INTS9: variants seen among roughly 807,000 people sequenced by gnomAD.
The protein encoded by INTS9 is integrator complex subunit 9.
A neutral mutation model predicts 79.7 loss-of-function variants in INTS9; 55 were observed. The observed-to-expected ratio is 0.69, with a 90% CI of 0.56 to 0.86. INTS9 has a LOEUF of 0.86. INTS9 is among the 40% of genes least tolerant of loss of function. The pLI is 0.00. For synonymous variants in INTS9, 319 were observed against 325.2 expected, an observed-to-expected ratio of 0.98 and a Z score of 0.20; for missense variants, 721 against 831.5, an observed-to-expected ratio of 0.87 and a Z score of 1.64.
Position 28,820,399 on chromosome 8 carries a change from G to A in INTS9, c.489-6787C>T, listed in dbSNP as rs577725655. Among the ~76,000 whole-genome samples, 10 of 152,302 alleles carry A rather than the reference G, an allele frequency of 6.6e-5. No individual in the cohort carries two copies. The South Asian group carries it at 8.3e-4, about 13-fold the overall frequency. On this transcript the variant is annotated intron_variant, in intron 6 of 16. Transcript: ENST00000521022. ...CTTGTCTGTACACTTATGAAGCTTA[G>A]TTTGGCTGGATATGAAATTCTGGGT...
chr8:28,844,733 T>C (rs1350115968), intron 4 of INTS9, among the ~76,000 whole-genome samples: 1 of 152,130 alleles, frequency 6.6e-6, no homozygotes, highest in Admixed American at 6.5e-5. Context: ...GGAGAATTGC[T>C]TGAACCCAGG....
In INTS9 at chr8:28,814,071, A is replaced by T. The variant is rs766046575; in HGVS notation, c.489-459T>A. ...ACCGTGCTCAGCCATTTCTTTTTTT[A>T]AAAAAAAAAAAAAAATAGAGACATG... is the stretch of plus-strand genomic sequence containing the variant. On this transcript the variant is annotated intron_variant, in intron 6 of 16. Transcript: ENST00000521022. Among the ~76,000 whole-genome samples, 655 of 128,234 alleles carry T rather than the reference A, an allele frequency of 5.1e-3. 2 individuals are homozygous for T. The highest frequency in any genetic ancestry group is 7.0e-3 in the African/African-American group (193 of 27,572). 84.1% of individuals were successfully genotyped at this position (128,234 alleles called of 152,430 possible). A position where few individuals can be genotyped will look rare whatever the true frequency, so the allele number is the denominator to read the frequency against.
intron 6 of INTS9, among the ~76,000 whole-genome samples, chr8:28,826,077 T>A (rs912238505): frequency 1.1e-4 from 17 of 152,238 alleles, no homozygotes; most frequent in African/African-American, 3.9e-4. Flanking sequence ...AAATTTTCAC[T>A]ACAGATGATT....
At chr8:28,792,287 T>G (rs1490567834) in intron 10 of INTS9, among the ~76,000 whole-genome samples, 1 of 152,098 alleles carries the variant, frequency 6.6e-6, no homozygotes, top group Non-Finnish European at 1.5e-5. Context: ...CTTCATACTA[T>G]ATACTAAAAC....
intron 14 of INTS9, among the ~76,000 whole-genome samples, chr8:28,773,618 T>C (rs1017580121): frequency 8.6e-5 from 13 of 151,478 alleles, no homozygotes; most frequent in Non-Finnish European, 1.9e-4. Context: ...GTGGCGCGAT[T>C]TTGGCTCACT....
intron 4 of INTS9, among the ~76,000 whole-genome samples, chr8:28,844,855 CT>C (rs1807413390): frequency 6.6e-6 from 1 of 152,110 alleles, no homozygotes; most frequent in Admixed American, 6.5e-5. Context: ...TTTGTGTATA[CT>C]TTATGGTGGT....
intron 8 of INTS9, among the ~76,000 whole-genome samples, chr8:28,806,357 T>C (rs986840356): frequency 7.9e-5 from 12 of 152,150 alleles, no homozygotes; most frequent in Admixed American, 3.9e-4. Flanking sequence ...GAATAACTGA[T>C]TGATAAAACA....
rs187017126 is a variant in INTS9, at chr8:28,864,444, G to A, written c.10-4881C>T. 4.0e-3 allele frequency among the ~76,000 whole-genome samples: 602 copies of A among 152,268 alleles called. 3 individuals are homozygous for A. The highest frequency in any genetic ancestry group is 0.014 in the African/African-American group (570 of 41,542). Reference sequence around the variant, plus strand: ...AAGAAATGAGATACAAGAAGGATTGGTGAGCAAATAAATTGGTTAAAATAT... The same window carrying A: ...AAGAAATGAGATACAAGAAGGATTGATGAGCAAATAAATTGGTTAAAATAT... On this transcript the variant is annotated intron_variant, in intron 1 of 16. Coordinates refer to ENST00000521022, the MANE Select transcript of INTS9 (RefSeq NM_018250.4).
At chr8:28,833,508 T>C (rs1322925146) in intron 6 of INTS9, among the ~76,000 whole-genome samples, 3 of 151,942 alleles carry the variant, frequency 2.0e-5, no homozygotes, top group African/African-American at 7.3e-5. Flanking sequence ...CAGTCCCAGC[T>C]ACTCGGGAGC....
chr8:28,835,519 A>T (rs879269671), intron 5 of INTS9, 141 bp from the exon 6 acceptor site: 1 of 571,438 alleles, frequency 1.7e-6, no homozygotes, highest in Non-Finnish European at 3.1e-6. Flanking sequence ...GCTGCACATA[A>T]ACTTGATCAC....
At position 28,812,415 on chromosome 8, in the gene INTS9, G is replaced by A. The variant is rs912667862; in HGVS notation, c.656C>T (p.Ala219Val). ...GATGATCCAGTTGGAGCTCCCAAGG[G>A]CATAGCCAGAGCTCAGAGGAGTCAC... is the stretch of plus-strand genomic sequence containing the variant. Reference protein sequence around the residue: ...VQVTPLSSGYALGSSNWIIQS... With the variant: ...VQVTPLSSGYVLGSSNWIIQS... Residue 219 changes from alanine (A) to valine (V), a missense_variant, in exon 8 of 17, where the codon GCC becomes GTC. Physicochemically the swap from Ala to Val is moderately conservative, Grantham distance 64. Transcript: ENST00000521022. 1.2e-6 allele frequency: 2 copies of A among 1,613,986 alleles called. No homozygotes were observed. The highest frequency in any genetic ancestry group is 1.1e-5 in the South Asian group (1 of 91,076).
At chr8:28,882,556 A>G (rs1465331805) in intron 1 of INTS9, among the ~76,000 whole-genome samples, 1 of 148,922 alleles carries the variant, frequency 6.7e-6, no homozygotes, top group African/African-American at 2.4e-5. Flanking sequence ...AAGAAAAAAA[A>G]AAAGAAAAAT....
chr8:28,815,162 T>G (rs9773305), intron 6 of INTS9, among the ~76,000 whole-genome samples: 1 of 151,916 alleles, frequency 6.6e-6, no homozygotes, highest in African/African-American at 2.4e-5. Flanking sequence ...AAAAATAAGA[T>G]AGTATAGCTA....
chr8:28,831,445 C>T (rs1023247122), intron 6 of INTS9, among the ~76,000 whole-genome samples: 2 of 152,192 alleles, frequency 1.3e-5, no homozygotes, highest in Non-Finnish European at 2.9e-5. Flanking sequence ...GTCCCACACA[C>T]CTATCCCAGA....
intron 1 of INTS9, among the ~76,000 whole-genome samples, chr8:28,877,309 A>C (rs1287432119): frequency 6.6e-6 from 1 of 152,176 alleles, no homozygotes; most frequent in African/African-American, 2.4e-5. Context: ...TGCTTTTATA[A>C]ATATATAAAA....
intron 10 of INTS9, 41 bp from the exon 11 acceptor site, chr8:28,787,930 A>G (rs1390965278): frequency 6.9e-7 from 1 of 1,452,236 alleles, no homozygotes; most frequent in Non-Finnish European, 9.6e-7. Context: ...GAGGAAGAGC[A>G]TACGGTGGCA....
chr8:28,888,700 T>C (rs1810324668), intron 1 of INTS9, among the ~76,000 whole-genome samples: 1 of 152,230 alleles, frequency 6.6e-6, no homozygotes, highest in Non-Finnish European at 1.5e-5. Context: ...CAAGGTTTAG[T>C]GACCCGCATC....
intron 8 of INTS9, among the ~76,000 whole-genome samples, chr8:28,804,925 G>A (rs907634835): frequency 6.6e-6 from 1 of 152,260 alleles, no homozygotes; most frequent in African/African-American, 2.4e-5. Context: ...TCAGGGGCTG[G>A]AAGATTTTTT....
At chr8:28,825,719 G>C (rs1806106880) in intron 6 of INTS9, among the ~76,000 whole-genome samples, 2 of 152,182 alleles carry the variant, frequency 1.3e-5, no homozygotes, top group African/African-American at 4.8e-5. Context: ...ACCCTATTGA[G>C]TACTAGCAGC....
Sources: allele counts gnomAD v4.1 joint callset (sites outside exome capture counted in the v4.1 genomes callset), GRCh38; gene constraint gnomAD v4.1.1; transcripts MANE v1.5; gene names NCBI Gene and HGNC (gene_info 2026-07-23, HGNC 2026-07-21).